OR51C1: variants seen among roughly 807,000 people sequenced by gnomAD.
OR51C1 encodes the protein olfactory receptor OR51C1.
the OR51C1 span, chr11:4,690,618 C>T: frequency 3.4e-6 from 1 of 297,504 alleles, no homozygotes; most frequent in East Asian, 9.3e-5. Context: ...GTTCTAGATA[C>T]ATTCCAGCTT....
At chr11:4,694,551 T>C in the OR51C1 span, among the ~76,000 whole-genome samples, 7 of 129,824 alleles carry the variant, frequency 5.4e-5, no homozygotes, top group East Asian at 4.4e-4. Flanking sequence ...TATATATATA[T>C]ACACACACAC....
chr11:4,696,852 C>A, the OR51C1 span, among the ~76,000 whole-genome samples: 1 of 152,158 alleles, frequency 6.6e-6, no homozygotes, highest in African/African-American at 2.4e-5. Context: ...CATCAGTATT[C>A]TCCATGCTAT....
chr11:4,692,949 T>G, the OR51C1 span, among the ~76,000 whole-genome samples: 1 of 152,226 alleles, frequency 6.6e-6, no homozygotes, highest in African/African-American at 2.4e-5. Context: ...GGCCAAATAA[T>G]GAAACTATAG....
At chr11:4,693,685 G>A in the OR51C1 span, among the ~76,000 whole-genome samples, 1 of 152,112 alleles carries the variant, frequency 6.6e-6, no homozygotes, top group Non-Finnish European at 1.5e-5. Context: ...TGGCGCCATT[G>A]CACTCCAACC....
the OR51C1 span, chr11:4,690,695 T>C: frequency 3.1e-6 from 1 of 327,352 alleles, no homozygotes; most frequent in Non-Finnish European, 6.0e-6. Flanking sequence ...TTGTTTTTAA[T>C]TGGAAACATG....
the OR51C1 span, among the ~76,000 whole-genome samples, chr11:4,696,855 C>T: frequency 6.6e-6 from 1 of 152,150 alleles, no homozygotes; most frequent in Non-Finnish European, 1.5e-5. Flanking sequence ...CAGTATTCTC[C>T]ATGCTATTGT....
At chr11:4,690,756 T>C in the OR51C1 span, 102,893 of 395,208 alleles carry the variant, frequency 0.26, 14,245 homozygotes, top group Non-Finnish European at 0.29. Context: ...AATTCTACAA[T>C]TTTATGTTTC....
the OR51C1 span, among the ~76,000 whole-genome samples, chr11:4,694,853 G>T: frequency 6.6e-6 from 1 of 152,048 alleles, no homozygotes; most frequent in East Asian, 1.9e-4. Context: ...GTGTCAAGAA[G>T]AACTAGTTCC....
chr11:4,695,005 A>G, the OR51C1 span, among the ~76,000 whole-genome samples: 1 of 152,194 alleles, frequency 6.6e-6, no homozygotes, highest in Admixed American at 6.5e-5. Flanking sequence ...AAAGAATAAC[A>G]TAAGCCAGTT....
the OR51C1 span, among the ~76,000 whole-genome samples, chr11:4,695,164 G>A: frequency 6.6e-6 from 1 of 152,168 alleles, no homozygotes; most frequent in Admixed American, 6.5e-5. Flanking sequence ...TTTTTGCAGA[G>A]CATCAAGAGC....
chr11:4,695,249 A>G, the OR51C1 span, among the ~76,000 whole-genome samples: 2 of 152,000 alleles, frequency 1.3e-5, no homozygotes, highest in South Asian at 2.1e-4. Context: ...TAAATAAATC[A>G]TTTTCCATCT....
At chr11:4,697,728 G>C in the OR51C1 span, 1 of 152,618 alleles carries the variant, frequency 6.6e-6, no homozygotes, top group Non-Finnish European at 1.5e-5. Flanking sequence ...TTCCAGGGGA[G>C]GGCCGAGCTT....
the OR51C1 span, chr11:4,690,951 G>C: frequency 2.2e-6 from 1 of 454,180 alleles, no homozygotes; most frequent in Admixed American, 2.4e-5. Flanking sequence ...GTAATATATA[G>C]CAAAAGCCAC....
At chr11:4,696,967 T>C in the OR51C1 span, among the ~76,000 whole-genome samples, 1 of 152,202 alleles carries the variant, frequency 6.6e-6, no homozygotes, top group Admixed American at 6.5e-5. Flanking sequence ...ATATTACTCA[T>C]AGAAATAGCT....
At chr11:4,693,090 AAG>A in the OR51C1 span, among the ~76,000 whole-genome samples, 13 of 152,180 alleles carry the variant, frequency 8.5e-5, no homozygotes, top group African/African-American at 2.9e-4. Flanking sequence ...AAAAAACTAA[AAG>A]AGAGAATTTT....
At chr11:4,693,670 C>G in the OR51C1 span, among the ~76,000 whole-genome samples, 1 of 152,138 alleles carries the variant, frequency 6.6e-6, no homozygotes, top group Non-Finnish European at 1.5e-5. Flanking sequence ...CCAGGTGAAC[C>G]GAGATGGCGC....
chr11:4,695,989 A>G, the OR51C1 span, among the ~76,000 whole-genome samples: 1 of 152,150 alleles, frequency 6.6e-6, no homozygotes, highest in Non-Finnish European at 1.5e-5. Flanking sequence ...GCATCTCCAG[A>G]GTTCTGTATT....
At chr11:4,696,151 T>C in the OR51C1 span, among the ~76,000 whole-genome samples, 13 of 152,168 alleles carry the variant, frequency 8.5e-5, no homozygotes, top group African/African-American at 3.1e-4. Context: ...CCTTGCTGCA[T>C]GTGGTGAATA....
chr11:4,695,034 G>C, the OR51C1 span, among the ~76,000 whole-genome samples: 2 of 152,174 alleles, frequency 1.3e-5, no homozygotes, highest in Non-Finnish European at 2.9e-5. Context: ...AACTACAAGA[G>C]AAGGGGTATA....
Sources: allele counts gnomAD v4.1 joint callset (sites outside exome capture counted in the v4.1 genomes callset), GRCh38; gene constraint gnomAD v4.1.1; transcripts MANE v1.5; gene names NCBI Gene and HGNC (gene_info 2026-07-23, HGNC 2026-07-21).